BACH2: variants seen among roughly 807,000 people sequenced by gnomAD.
The protein encoded by BACH2 is transcription regulator protein BACH2.
BACH2 carries 5 observed loss-of-function variants against 61.8 expected under a neutral mutation model. That is an observed-to-expected ratio of 0.08 (90% CI 0.04 to 0.17). The LOEUF (loss-of-function observed/expected upper bound fraction) is 0.17. BACH2 is among the 10% of genes least tolerant of loss of function. The probability of loss-of-function intolerance (pLI) is 1.00; values close to 1 mark genes in which losing one functional copy is unlikely to be tolerated. For synonymous variants in BACH2, 446 were observed against 440.1 expected (o/e 1.01, Z -0.17); for missense variants, 824 against 1,091.1 (o/e 0.76, Z 3.45).
chr6:89,991,178 G>A (rs990676813), intron 6 of BACH2, among the ~76,000 whole-genome samples: 2 of 152,128 alleles, frequency 1.3e-5, no homozygotes, highest in African/African-American at 4.8e-5. Flanking sequence ...CACTTAAAAC[G>A]GCTTAACACA....
At chr6:90,294,273 C>A (rs1220911595) in intron 1 of BACH2, among the ~76,000 whole-genome samples, 1 of 152,192 alleles carries the variant, frequency 6.6e-6, no homozygotes, top group Non-Finnish European at 1.5e-5. Context: ...AAACCTGAAG[C>A]CTCCTGCAAT....
At chr6:90,141,487 C>T (rs980192974) in intron 4 of BACH2, among the ~76,000 whole-genome samples, 1 of 147,998 alleles carries the variant, frequency 6.8e-6, no homozygotes, top group Admixed American at 6.7e-5. Context: ...CGCCCCGATC[C>T]CGTTTTTTTT....
At chr6:90,149,969 C>T (rs954101373) in intron 4 of BACH2, among the ~76,000 whole-genome samples, 1 of 152,182 alleles carries the variant, frequency 6.6e-6, no homozygotes. Context: ...AGGTCTTAAT[C>T]ACCTATTAGC....
At chr6:90,129,338 T>C (rs1198144329) in intron 4 of BACH2, among the ~76,000 whole-genome samples, 1 of 152,128 alleles carries the variant, frequency 6.6e-6, no homozygotes, top group East Asian at 1.9e-4. Flanking sequence ...TATTTCTTTT[T>C]CTTCTAAAAA....
chr6:90,217,529 T>A (rs1356827058), intron 3 of BACH2, among the ~76,000 whole-genome samples: 2 of 152,188 alleles, frequency 1.3e-5, no homozygotes, highest in Non-Finnish European at 2.9e-5. Flanking sequence ...GCTCCCCATT[T>A]CTGTTTTTCT....
At chr6:90,199,767 C>A (rs1221052119) in intron 4 of BACH2, among the ~76,000 whole-genome samples, 1 of 152,144 alleles carries the variant, frequency 6.6e-6, no homozygotes, top group Non-Finnish European at 1.5e-5. Flanking sequence ...TTTGGCTTCA[C>A]AAACTCTATA....
chr6:90,146,692 C>A (rs961618999), intron 4 of BACH2, among the ~76,000 whole-genome samples: 1 of 152,184 alleles, frequency 6.6e-6, no homozygotes, highest in Non-Finnish European at 1.5e-5. Flanking sequence ...TACATTAATA[C>A]TTCTAGGTAA....
intron 3 of BACH2, among the ~76,000 whole-genome samples, chr6:90,241,602 C>G (rs1770454561): frequency 6.6e-6 from 1 of 152,156 alleles, no homozygotes; most frequent in Non-Finnish European, 1.5e-5. Context: ...TGTCTGTTGT[C>G]AAAAGCAAGG....
chr6:90,014,696 A>T (rs534246089), intron 5 of BACH2, among the ~76,000 whole-genome samples: 14 of 151,278 alleles, frequency 9.3e-5, no homozygotes, highest in African/African-American at 3.4e-4. Context: ...GATGGTCTCA[A>T]TCTCTTGACC....
chr6:90,007,268 G>GT (rs1202962199), intron 6 of BACH2, among the ~76,000 whole-genome samples: 4 of 151,876 alleles, frequency 2.6e-5, no homozygotes. Context: ...TAGAGATGGG[G>GT]TTTCACCATG....
chr6:90,134,066 G>T (rs549376325), intron 4 of BACH2, among the ~76,000 whole-genome samples: 82 of 152,168 alleles, frequency 5.4e-4, no homozygotes, highest in Non-Finnish European at 9.1e-4. Context: ...GTAATGGGAT[G>T]GCTGGATCAA....
At chr6:90,194,262 G>A (rs1768677163) in intron 4 of BACH2, among the ~76,000 whole-genome samples, 1 of 151,914 alleles carries the variant, frequency 6.6e-6, no homozygotes. Flanking sequence ...GACAAAAAAT[G>A]TACCCTCTTT....
In BACH2 at chr6:89,950,838, T is replaced by G; in HGVS notation, c.1268A>C (p.Glu423Ala). The change falls in exon 7 of 9, where the codon GAG becomes GCG. Residue 423 changes from glutamate (E) to alanine (A), a missense_variant. Physicochemically the swap from Glu to Ala is moderately radical, Grantham distance 107 (BLOSUM62 -1). This residue lies in a region of BACH2 where 9 missense variants were observed against 27.6 expected (regional missense o/e 0.33). Coordinates refer to ENST00000257749, the MANE Select transcript of BACH2 (RefSeq NM_021813.4). The surrounding 1 kb of genome is among the most constrained non-coding windows in gnomAD (Gnocchi z 5.3). ...GPGLEALCKQ[E>A]GELDRRSVIF... ...CACGCTCCTCCGGTCCAGCTCTCCCTCCTGTTTACAGAGAGCCTCCAACCC... is the reference window on the plus strand; with the variant it reads ...CACGCTCCTCCGGTCCAGCTCTCCCGCCTGTTTACAGAGAGCCTCCAACCC... 1 of 1,613,812 alleles carries G rather than the reference T, an allele frequency of 6.2e-7. No homozygotes were observed. Among genetic ancestry groups the G allele is most frequent in the Non-Finnish European group, 8.5e-7 (1 of 1,179,892 alleles).
chr6:89,960,030 TG>T (rs1465564383), intron 6 of BACH2, among the ~76,000 whole-genome samples: 5 of 152,236 alleles, frequency 3.3e-5, no homozygotes, highest in African/African-American at 1.2e-4. Flanking sequence ...CGGAAGGGGC[TG>T]TCTGCCCCAC....
At chr6:89,946,071 T>TA (rs2128355614) in intron 7 of BACH2, among the ~76,000 whole-genome samples, 1 of 152,230 alleles carries the variant, frequency 6.6e-6, no homozygotes, top group African/African-American at 2.4e-5. Context: ...GTACAATAAA[T>TA]AAAGAAGCAG....
At chr6:90,066,287 T>G (rs1780961111) in intron 5 of BACH2, among the ~76,000 whole-genome samples, 1 of 152,026 alleles carries the variant, frequency 6.6e-6, no homozygotes, top group African/African-American at 2.4e-5. Flanking sequence ...TCAAGAGAGG[T>G]GACCAGTGGC....
chr6:90,083,370 T>C (rs1479993072), intron 5 of BACH2, among the ~76,000 whole-genome samples: 2 of 152,224 alleles, frequency 1.3e-5, no homozygotes, highest in Non-Finnish European at 2.9e-5. Context: ...TTTTGATTTA[T>C]ATATTAATGT....
At chr6:90,240,895 A>G (rs1014519691) in intron 3 of BACH2, among the ~76,000 whole-genome samples, 1 of 152,144 alleles carries the variant, frequency 6.6e-6, no homozygotes, top group African/African-American at 2.4e-5. Context: ...ATATAATATT[A>G]TTTCCAAAGC....
chr6:90,102,791 A>AAAT (rs372366852), intron 4 of BACH2, among the ~76,000 whole-genome samples: 6,941 of 113,544 alleles, frequency 0.061, 261 homozygotes, highest in African/African-American at 0.097. Context: ...ACTCCATTTC[A>AAAT]AATAATAATA....
Sources: allele counts gnomAD v4.1 joint callset (sites outside exome capture counted in the v4.1 genomes callset), GRCh38; gene constraint gnomAD v4.1.1; regional missense constraint gnomAD v4.1.1; non-coding constraint Gnocchi (gnomAD v3.1); transcripts MANE v1.5; gene names NCBI Gene and HGNC (gene_info 2026-07-23, HGNC 2026-07-21).